The following DNAJC1 variants were observed in gnomAD, a reference collection of about 807,000 sequenced individuals.
DNAJC1 encodes the protein dnaJ homolog subfamily C member 1.
DNAJC1 carries 58 observed loss-of-function variants against 76.6 expected under a neutral mutation model. That is an observed-to-expected ratio of 0.76 (90% CI 0.61 to 0.94). DNAJC1 has a LOEUF of 0.94. DNAJC1 is among the 40% of genes least tolerant of loss of function. The pLI is 0.00. For synonymous variants in DNAJC1, 258 were observed against 267.9 expected (o/e 0.96, Z 0.36); for missense variants, 689 against 677.3 (o/e 1.02, Z -0.19).
At chr10:21,987,070 G>A (rs945597430) in intron 1 of DNAJC1, among the ~76,000 whole-genome samples, 1 of 152,042 alleles carries the variant, frequency 6.6e-6, no homozygotes, top group African/African-American at 2.4e-5. Flanking sequence ...CCAGCCCAAT[G>A]TATAGTTTTT....
chr10:21,856,860 C>T (rs779605712), intron 8 of DNAJC1, among the ~76,000 whole-genome samples: 36 of 152,060 alleles, frequency 2.4e-4, no homozygotes, highest in Non-Finnish European at 4.4e-4. Flanking sequence ...CCTCAGCCTC[C>T]GAGTAGCTGG....
At chr10:21,983,997 T>C (rs904770192) in intron 1 of DNAJC1, among the ~76,000 whole-genome samples, 7 of 152,054 alleles carry the variant, frequency 4.6e-5, no homozygotes, top group African/African-American at 1.4e-4. Flanking sequence ...ACAACTCACA[T>C]AAGGAGTCAA....
intron 8 of DNAJC1, among the ~76,000 whole-genome samples, chr10:21,834,967 T>C (rs1278210340): frequency 3.9e-5 from 6 of 152,168 alleles, no homozygotes; most frequent in Admixed American, 1.3e-4. Context: ...TCTGACACCT[T>C]TGAAGAGAGT....
intron 8 of DNAJC1, among the ~76,000 whole-genome samples, chr10:21,821,681 G>T (rs1300515342): frequency 6.6e-6 from 1 of 152,062 alleles, no homozygotes; most frequent in Non-Finnish European, 1.5e-5. Flanking sequence ...TACTCAAAAT[G>T]AACATTTCTT....
At position 21,987,115 on chromosome 10, in the gene DNAJC1, A is replaced by G. The variant is rs146178640; in HGVS notation, c.222+16098T>C. 4.2e-3 allele frequency among the ~76,000 whole-genome samples: 641 copies of G among 152,256 alleles called. 5 individuals carry two copies. Among genetic ancestry groups the G allele is most frequent in the African/African-American group, 0.014 (602 of 41,530 alleles). Reference sequence around the variant, plus strand: ...TATCAATTCGGAAGCCAAATTTCTGATAGTTAAAGTGAAATAAATGAAATA... The same window carrying G: ...TATCAATTCGGAAGCCAAATTTCTGGTAGTTAAAGTGAAATAAATGAAATA... On this transcript the variant is annotated intron_variant, in intron 1 of 11. Transcript: ENST00000376980.
At chr10:21,841,696 G>A (rs1365298404) in intron 8 of DNAJC1, among the ~76,000 whole-genome samples, 13 of 152,106 alleles carry the variant, frequency 8.5e-5, no homozygotes, top group African/African-American at 1.9e-4. Flanking sequence ...TCAGTGTGGC[G>A]ATTCCTCAGG....
At chr10:21,911,196 G>A (rs1051758471) in intron 6 of DNAJC1, among the ~76,000 whole-genome samples, 2 of 152,040 alleles carry the variant, frequency 1.3e-5, no homozygotes, top group African/African-American at 4.8e-5. Context: ...AGAGCTATGA[G>A]GAAGGATACC....
intron 1 of DNAJC1, among the ~76,000 whole-genome samples, chr10:22,000,756 C>T (rs1229849188): frequency 6.6e-6 from 1 of 152,164 alleles, no homozygotes; most frequent in Admixed American, 6.5e-5. Context: ...AAAAGAAGCC[C>T]CAGAGAGCTG....
At chr10:21,794,403 G>A (rs985852303) in intron 9 of DNAJC1, among the ~76,000 whole-genome samples, 9 of 151,722 alleles carry the variant, frequency 5.9e-5, no homozygotes, top group African/African-American at 1.5e-4. Context: ...ACTTGTAAAA[G>A]CTCTAAATGA....
intron 8 of DNAJC1, among the ~76,000 whole-genome samples, chr10:21,834,694 G>A (rs1456523816): frequency 6.6e-6 from 1 of 152,196 alleles, no homozygotes; most frequent in Admixed American, 6.5e-5. Context: ...GGTTCAGAGG[G>A]TCCTAAGCCC....
intron 8 of DNAJC1, among the ~76,000 whole-genome samples, chr10:21,857,903 C>G (rs1029938819): frequency 2.0e-5 from 3 of 151,654 alleles, no homozygotes; most frequent in Non-Finnish European, 4.4e-5. Context: ...TGTTTGTGTG[C>G]GTTCTGGGAG....
chr10:21,998,836 TAC>T (rs1277700285), intron 1 of DNAJC1, among the ~76,000 whole-genome samples: 2 of 152,214 alleles, frequency 1.3e-5, no homozygotes, highest in Non-Finnish European at 2.9e-5. Flanking sequence ...TTTGGGGAAT[TAC>T]AGTTTGCATT....
At chr10:21,831,035 T>C (rs1835349834) in intron 8 of DNAJC1, among the ~76,000 whole-genome samples, 1 of 152,224 alleles carries the variant, frequency 6.6e-6, no homozygotes, top group Non-Finnish European at 1.5e-5. Context: ...GCCAATTTTC[T>C]TCTTTGTTGC....
intron 1 of DNAJC1, among the ~76,000 whole-genome samples, chr10:21,962,920 TTTC>T (rs1837823863): frequency 6.6e-6 from 1 of 152,140 alleles, no homozygotes; most frequent in Non-Finnish European, 1.5e-5. Flanking sequence ...TATCCTCTGT[TTTC>T]TTGTTTTAAA....
intron 9 of DNAJC1, among the ~76,000 whole-genome samples, chr10:21,789,345 T>G (rs576308687): frequency 6.6e-6 from 1 of 152,156 alleles, no homozygotes; most frequent in South Asian, 2.1e-4. Flanking sequence ...ACTTCCCAAC[T>G]GGCACTGTAA....
chr10:21,998,389 CAAAAAAAAAAAA>C (rs60371730), intron 1 of DNAJC1, among the ~76,000 whole-genome samples: 1 of 95,852 alleles, frequency 1.0e-5, no homozygotes, highest in African/African-American at 4.1e-5. Context: ...GACTCCATCT[CAAAAAAAAAAAA>C]AAAAAAAAGA....
chr10:21,774,216 T>C (rs1834426320), intron 9 of DNAJC1, among the ~76,000 whole-genome samples: 1 of 151,564 alleles, frequency 6.6e-6, no homozygotes, highest in South Asian at 2.1e-4. Flanking sequence ...TCAAGCACAG[T>C]AGTATAATTC....
intron 11 of DNAJC1, 64 bp from the exon 12 acceptor site, chr10:21,756,819 G>C: frequency 6.7e-7 from 1 of 1,493,720 alleles, no homozygotes; most frequent in Non-Finnish European, 9.2e-7. Flanking sequence ...GTCATCATGT[G>C]GCCGGTCTGC....
intron 8 of DNAJC1, among the ~76,000 whole-genome samples, chr10:21,838,314 T>C (rs1186347812): frequency 6.6e-6 from 1 of 152,198 alleles, no homozygotes; most frequent in Non-Finnish European, 1.5e-5. Context: ...TGTTAATCTA[T>C]AACCTTACCC....
Sources: allele counts gnomAD v4.1 joint callset (sites outside exome capture counted in the v4.1 genomes callset), GRCh38; gene constraint gnomAD v4.1.1; transcripts MANE v1.5; gene names NCBI Gene and HGNC (gene_info 2026-07-23, HGNC 2026-07-21).